Variants in MLLT3 observed in about 807,000 individuals in gnomAD.
MLLT3 encodes MLLT3 super elongation complex subunit, also known as protein AF-9.
In MLLT3, 4 loss-of-function variants were observed where a neutral mutation model predicts 53.2. The observed-to-expected ratio is 0.08, with a 90% CI of 0.04 to 0.17. The LOEUF (loss-of-function observed/expected upper bound fraction) is 0.17. Among genes scored for constraint, MLLT3 ranks in the 10% least tolerant of loss-of-function variants. The pLI, the probability that MLLT3 is intolerant of heterozygous loss-of-function variation, is 1.00. For missense variants in MLLT3, 569 were observed against 684.0 expected, an observed-to-expected ratio of 0.83 and a Z score of 1.87; for synonymous variants, 283 against 230.6, an observed-to-expected ratio of 1.23 and a Z score of -2.06.
chr9:20,570,344 A>G (rs1374080314), intron 2 of MLLT3, among the ~76,000 whole-genome samples: 2 of 152,216 alleles, frequency 1.3e-5, no homozygotes, highest in Non-Finnish European at 2.9e-5. Context: ...AATAAACAAC[A>G]ACAGCAGAGT....
At chr9:20,439,601 G>A (rs954263445) in intron 4 of MLLT3, among the ~76,000 whole-genome samples, 30 of 152,076 alleles carry the variant, frequency 2.0e-4, no homozygotes, top group Non-Finnish European at 3.5e-4. Context: ...AGGGGAGTGG[G>A]GGGATGGCGG....
At chr9:20,450,933 C>T (rs1407525321) in intron 3 of MLLT3, among the ~76,000 whole-genome samples, 1 of 152,094 alleles carries the variant, frequency 6.6e-6, no homozygotes. Context: ...TATCAACATA[C>T]CAAATATATA....
intron 2 of MLLT3, among the ~76,000 whole-genome samples, chr9:20,464,343 G>C (rs1310777585): frequency 1.3e-5 from 2 of 152,034 alleles, no homozygotes; most frequent in Non-Finnish European, 2.9e-5. Context: ...AGTCTAACCA[G>C]AGACCGTTGC....
At position 20,346,379 on chromosome 9, in the gene MLLT3, C is replaced by CAAAAAAAAAAAAAACAAAAAA. The variant is rs1587135214; in HGVS notation, c.*63_*64insTTTTTTGTTTTTTTTTTTTTT. On this transcript the variant is annotated 3_prime_UTR_variant, in exon 11 of 11. Coordinates refer to ENST00000380338, the MANE Select transcript of MLLT3 (RefSeq NM_004529.4). Reference sequence around the variant, plus strand: ...AACAACAAGAACAAAAAATCACAACCAAAAAAAAAAAAAACCAAAAAAAAA... The same window carrying CAAAAAAAAAAAAAACAAAAAA: ...AACAACAAGAACAAAAAATCACAACCAAAAAAAAAAAAAACAAAAAAAAAAAAAAAAAAAACCAAAAAAAAA... The CAAAAAAAAAAAAAACAAAAAA allele has an allele frequency of 5.1e-6, 5 of 985,688 alleles. No individual in the cohort carries two copies. Among genetic ancestry groups the CAAAAAAAAAAAAAACAAAAAA allele is most frequent in the Admixed American group, 4.2e-5 (1 of 23,824 alleles). 61.1% of individuals were successfully genotyped at this position (985,688 alleles called of 1,614,324 possible). A position where few individuals can be genotyped will look rare whatever the true frequency, so the allele number is the denominator to read the frequency against.
chr9:20,372,502 C>A (rs1233785178), intron 5 of MLLT3, among the ~76,000 whole-genome samples: 1 of 151,830 alleles, frequency 6.6e-6, no homozygotes, highest in African/African-American at 2.4e-5. Context: ...ATTCTCCTGC[C>A]TCAGCCTCCT....
At chr9:20,349,427 G>T (rs994730253) in intron 10 of MLLT3, among the ~76,000 whole-genome samples, 2 of 151,950 alleles carry the variant, frequency 1.3e-5, no homozygotes, top group Middle Eastern at 3.2e-3. Flanking sequence ...TTATAGACCT[G>T]ATGCTTTTTC....
intron 2 of MLLT3, among the ~76,000 whole-genome samples, chr9:20,468,859 C>T (rs967228038): frequency 1.3e-5 from 2 of 152,178 alleles, no homozygotes; most frequent in Admixed American, 6.5e-5. Context: ...CAGCTAAACA[C>T]CACATCTGCT....
At chr9:20,614,884 AC>A (rs1820785924) in intron 2 of MLLT3, among the ~76,000 whole-genome samples, 1 of 132,864 alleles carries the variant, frequency 7.5e-6, no homozygotes, top group Non-Finnish European at 1.7e-5. Flanking sequence ...TGAGAAAGAA[AC>A]TTCAAAGAAC....
intron 2 of MLLT3, among the ~76,000 whole-genome samples, chr9:20,468,441 C>T (rs1348469594): frequency 6.6e-6 from 1 of 152,004 alleles, no homozygotes; most frequent in Non-Finnish European, 1.5e-5. Context: ...ACTAATCAGC[C>T]CACCTAGAAA....
chr9:20,411,612 T>C (rs1586929226), intron 5 of MLLT3, among the ~76,000 whole-genome samples: 1 of 152,226 alleles, frequency 6.6e-6, no homozygotes, highest in African/African-American at 2.4e-5. Flanking sequence ...GTGGCTCTAA[T>C]ATGTCATATA....
intron 4 of MLLT3, among the ~76,000 whole-genome samples, chr9:20,423,203 G>T (rs1823057012): frequency 6.6e-6 from 1 of 152,094 alleles, no homozygotes; most frequent in Non-Finnish European, 1.5e-5. Flanking sequence ...TATTTTTATA[G>T]TCTTAACCAC....
chr9:20,565,767 G>A (rs1465355248), intron 2 of MLLT3, among the ~76,000 whole-genome samples: 1 of 150,464 alleles, frequency 6.6e-6, no homozygotes. Flanking sequence ...GGTGCCCTGA[G>A]ACCTAGACTA....
chr9:20,579,473 T>A (rs1819735652), intron 2 of MLLT3, among the ~76,000 whole-genome samples: 1 of 151,928 alleles, frequency 6.6e-6, no homozygotes, highest in African/African-American at 2.4e-5. Flanking sequence ...AGAGGAAATG[T>A]CCTTCTACAA....
rs146559948 is a variant in MLLT3 at position 20,403,102 on chromosome 9, C to T, written c.1125+10619G>A. On this transcript the variant is annotated intron_variant, in intron 5 of 10. Transcript: ENST00000380338. ...TGGCATGCCAACTGGGGGCCTGCAT[C>T]CGAGGGCCCCCTTTTAAAAAAAAAA... Among the ~76,000 whole-genome samples, 297 of 150,738 alleles carry T rather than the reference C, an allele frequency of 2.0e-3. 1 individual carries two copies. Among genetic ancestry groups the T allele is most frequent in the African/African-American group, 6.9e-3 (277 of 40,336 alleles).
At chr9:20,359,801 A>G (rs1244472043) in intron 8 of MLLT3, among the ~76,000 whole-genome samples, 10 of 152,248 alleles carry the variant, frequency 6.6e-5, no homozygotes, top group African/African-American at 2.2e-4. Context: ...TAATATTCGT[A>G]CAGTAACTTG....
chr9:20,482,141 T>C (rs1254329924), intron 2 of MLLT3, among the ~76,000 whole-genome samples: 1 of 152,202 alleles, frequency 6.6e-6, no homozygotes, highest in Non-Finnish European at 1.5e-5. Context: ...CTCCTGAATT[T>C]TGTTAAATAA....
Position 20,462,439 on chromosome 9 carries a change from C to T in MLLT3, c.194-5653G>A, listed in dbSNP as rs534675767. On this transcript the variant is annotated intron_variant, in intron 2 of 10. Transcript: ENST00000380338. ...GCAATTCTAAAAACCTAATTGCTTCCTATACAATAAGGAACTGTAGCCACC... is the reference window on the plus strand; with the variant it reads ...GCAATTCTAAAAACCTAATTGCTTCTTATACAATAAGGAACTGTAGCCACC... Among the ~76,000 whole-genome samples, 5 of 152,160 alleles carry T rather than the reference C, an allele frequency of 3.3e-5. No homozygotes were observed. In the South Asian group the frequency reaches 1.0e-3, roughly 32 times the overall value.
intron 2 of MLLT3, among the ~76,000 whole-genome samples, chr9:20,517,236 G>C (rs1376578706): frequency 6.6e-6 from 1 of 151,986 alleles, no homozygotes; most frequent in Non-Finnish European, 1.5e-5. Context: ...CAAGGTATTG[G>C]CCAACAGTTT....
chr9:20,554,063 T>C (rs185458592), intron 2 of MLLT3, among the ~76,000 whole-genome samples: 1 of 152,288 alleles, frequency 6.6e-6, no homozygotes, highest in African/African-American at 2.4e-5. Context: ...TTCCTTTTCC[T>C]CTCTGTTCAG....
Sources: allele counts gnomAD v4.1 joint callset (sites outside exome capture counted in the v4.1 genomes callset), GRCh38; gene constraint gnomAD v4.1.1; transcripts MANE v1.5; gene names NCBI Gene and HGNC (gene_info 2026-07-23, HGNC 2026-07-21).